The following LIG3 variants were observed in gnomAD, a reference collection of about 807,000 sequenced individuals.
LIG3 encodes the protein DNA ligase 3.
A neutral mutation model predicts 110.9 loss-of-function variants in LIG3; 58 were observed. The observed-to-expected ratio is 0.52, with a 90% CI of 0.42 to 0.65. LIG3 has a LOEUF of 0.65. Among genes scored for constraint, LIG3 ranks in the 30% least tolerant of loss-of-function variants. The probability of loss-of-function intolerance (pLI) is 0.00; values close to 1 mark genes in which losing one functional copy is unlikely to be tolerated. For missense variants in LIG3, 1,094 were observed against 1,273.8 expected (o/e 0.86, Z 2.15); for synonymous variants, 422 against 472.8 (o/e 0.89, Z 1.39).
intron 1 of LIG3, 182 bp downstream of exon 1, chr17:34,980,804 C>T (rs2090578435): frequency 5.4e-6 from 1 of 185,966 alleles, no homozygotes; most frequent in African/African-American, 2.4e-5. Context: ...CAGGGGGAGG[C>T]TCGCGGCTCC....
chr17:34,989,996 G>C (rs2090701115), intron 4 of LIG3: 1 of 288,330 alleles, frequency 3.5e-6, no homozygotes. Flanking sequence ...AGGTTTTTGT[G>C]AACCATATAC....
Position 35,007,760 on chromosome 17 carries a change from C to T in LIG3, c.*3254C>T, listed in dbSNP as rs2090905745. ...CCTTTTTTTTTTTTTTAAACAGACTCTTGCTCTGTCATTCAGGCTGGAGTG... is the reference window on the plus strand; with the variant it reads ...CCTTTTTTTTTTTTTTAAACAGACTTTTGCTCTGTCATTCAGGCTGGAGTG... On this transcript the variant is annotated 3_prime_UTR_variant, in exon 20 of 20. Transcript: ENST00000378526. 1.3e-5 allele frequency: 2 copies of T among 149,302 alleles called. No individual in the cohort carries two copies. The highest frequency in any genetic ancestry group is 5.0e-5 in the African/African-American group (2 of 40,242). The allele number at this position is 149,302 out of a possible 1,614,324, so 9.2% of individuals were successfully genotyped here.
At chr17:35,004,052 T>G (rs2142292742) in intron 19 of LIG3, 1 of 558,742 alleles carries the variant, frequency 1.8e-6, no homozygotes, top group South Asian at 2.1e-5. Flanking sequence ...TCGAGGCCTG[T>G]CCACTCTCCT....
Position 34,991,733 on chromosome 17 carries a change from C to G in LIG3, c.1104C>G (p.Ala368=). 6.2e-7 allele frequency: 1 copy of G among 1,614,056 alleles called. No homozygotes were observed. The highest frequency in any genetic ancestry group is 8.5e-7 in the Non-Finnish European group (1 of 1,179,998). The change falls in exon 6 of 20, where the codon GCC becomes GCG. Residue 368 remains alanine, a synonymous_variant. Transcript: ENST00000378526. The stretch of plus-strand genomic sequence containing the variant: ...AGAGCAAGTCTTTCCCCCCAGCTGC[C>G]AAGAGCCTCCTTACCATCCAGGAAG... The part of the protein sequence containing the change: ...FEQSKSFPPA[A]KSLLTIQEVD...
At chr17:34,980,919 C>T (rs2090581555) in intron 1 of LIG3, 1 of 152,516 alleles carries the variant, frequency 6.6e-6, no homozygotes, top group Non-Finnish European at 1.5e-5. Context: ...CGTGCGTCCT[C>T]CTGCGCTGAA....
Position 35,002,786 on chromosome 17 carries a change from A to G in LIG3, c.2793A>G (p.Thr931=). The G allele has an allele frequency of 6.3e-7, 1 of 1,597,742 alleles. No individual in the cohort carries two copies. The highest frequency in any genetic ancestry group is 8.5e-7 in the Non-Finnish European group (1 of 1,170,272). Residue 931 remains threonine (T), a synonymous_variant, in exon 19 of 20, where the codon ACA becomes ACG. Coordinates refer to ENST00000378526, the MANE Select transcript of LIG3 (RefSeq NM_013975.4). ...CTGCTGATGAGACGCTGTGCCAAAC[A>G]AAGGTGAGGGTAAAAACAGCAACAC... is the stretch of plus-strand genomic sequence containing the variant. ...RKAADETLCQ[T]KVLLDIFTGV...
chr17:34,998,540 G>C, intron 13 of LIG3, 64 bp from the exon 14 acceptor site: 2 of 1,590,682 alleles, frequency 1.3e-6, no homozygotes, highest in Non-Finnish European at 1.7e-6. Flanking sequence ...TAGCAGTGAA[G>C]GGGTGAACCC....
intron 16 of LIG3, 64 bp downstream of exon 16, chr17:34,999,920 A>G (rs1364890424): frequency 7.6e-7 from 1 of 1,310,594 alleles, no homozygotes. Context: ...CTCTAGTGCC[A>G]TAGAGAATCC....
chr17:34,987,623 C>A (rs2090670449), intron 3 of LIG3, among the ~76,000 whole-genome samples: 1 of 152,170 alleles, frequency 6.6e-6, no homozygotes, highest in African/African-American at 2.4e-5. Context: ...GGGTTCTGGT[C>A]CTTGACAGCT....
At position 34,992,556 on chromosome 17, in the gene LIG3, C is replaced by T; in HGVS notation, c.1319C>T (p.Ala440Val). Residue 440 changes from alanine to valine, a missense_variant, in exon 8 of 20, where the codon GCC (alanine) becomes GTC (valine). Transcript: ENST00000378526. ...LDALDPNAYE[A>V]FKASRNLQDV... Reference sequence around the variant, plus strand: ...GCCCTTGACCCCAATGCCTATGAAGCCTTCAAAGCCTCGCGCAACCTGCAG... The same window carrying T: ...GCCCTTGACCCCAATGCCTATGAAGTCTTCAAAGCCTCGCGCAACCTGCAG... 6.2e-7 allele frequency: 1 copy of T among 1,610,712 alleles called. No individual in the cohort carries two copies. Among genetic ancestry groups the T allele is most frequent in the Non-Finnish European group, 8.5e-7 (1 of 1,178,526 alleles).
rs550674797 is a variant in LIG3, at chr17:34,983,094, G to T, written c.89G>T (p.Arg30Leu). The change falls in exon 2 of 20, where the codon CGT (arginine) becomes CTT (leucine). Residue 30 changes from arginine to leucine, a missense_variant. Physicochemically the swap from Arg to Leu is moderately radical, Grantham distance 102 (BLOSUM62 -2). Coordinates refer to ENST00000378526, the MANE Select transcript of LIG3 (RefSeq NM_013975.4). ...ELCLFRKHHW[R>L]DVRQFSQWSE... is the part of the protein sequence containing the mutation. ...TGCCTATTCCGAAAACATCACTGGC[G>T]TGATGTAAGACAATTCAGCCAGTGG... The T allele has an allele frequency of 6.2e-7, 1 of 1,613,948 alleles. No individual in the cohort carries two copies.
At chr17:34,998,774 C>A (rs374307183) in intron 14 of LIG3, 47 bp downstream of exon 14, 2 of 1,585,752 alleles carry the variant, frequency 1.3e-6, no homozygotes, top group Admixed American at 3.5e-5. Context: ...TTAGAAGGTA[C>A]CGCTTGAGGT....
At position 35,003,261 on chromosome 17, in the gene LIG3, C is replaced by A. The variant is rs535474044; in HGVS notation, c.2796+472C>A. On this transcript the variant is annotated intron_variant, in intron 19 of 19. Coordinates refer to ENST00000378526, the MANE Select transcript of LIG3 (RefSeq NM_013975.4). ...CACCTGAGGAGCCTTTTCCCTGTTA[C>A]ATTTTCTTGTCAGTCTTGGGTTTGG... 5 of 1,119,214 alleles carry A rather than the reference C, an allele frequency of 4.5e-6. No homozygotes were observed. The South Asian group carries it at 5.1e-5, about 11-fold the overall frequency. The allele number at this position is 1,119,214 out of a possible 1,614,324, so 69.3% of individuals were successfully genotyped here. A position where few individuals can be genotyped will look rare whatever the true frequency, so the allele number is the denominator to read the frequency against.
chr17:34,995,961 G>C, intron 9 of LIG3, 103 bp from the exon 10 acceptor site: 1 of 1,423,818 alleles, frequency 7.0e-7, no homozygotes, highest in South Asian at 1.4e-5. Context: ...CCTTCCACAT[G>C]TTGTTCTATA....
intron 4 of LIG3, chr17:34,989,949 G>A (rs2090700592): frequency 2.5e-6 from 1 of 395,880 alleles, no homozygotes; most frequent in African/African-American, 2.0e-5. Flanking sequence ...CATCCTATTT[G>A]ACTAGTTAGA....
rs149469889 is a variant in LIG3 at position 34,996,581 on chromosome 17, C to G, written c.1751C>G (p.Ala584Gly). ...FGTLGVHKKA[A>G]FQDANVCLFV... ...CCTCATTTTCCCTTACAGAAAGCAG[C>G]CTTCCAGGATGCTAATGTCTGCCTG... is the stretch of plus-strand genomic sequence containing the variant. The change falls in exon 11 of 20, where the codon GCC (alanine) becomes GGC (glycine). Residue 584 changes from alanine to glycine, a missense_variant. Coordinates refer to ENST00000378526, the MANE Select transcript of LIG3 (RefSeq NM_013975.4). 2 of 1,613,674 alleles carry G rather than the reference C, an allele frequency of 1.2e-6. No individual in the cohort carries two copies. Among genetic ancestry groups the G allele is most frequent in the Non-Finnish European group, 1.7e-6 (2 of 1,179,722 alleles).
chr17:35,010,444 C>G (rs1189440978), downstream of LIG3: 1 of 152,196 alleles, frequency 6.6e-6, no homozygotes, highest in Non-Finnish European at 1.5e-5. Context: ...CATGGTCCTT[C>G]CTAAAGAGCC....
intron 19 of LIG3, chr17:35,003,186 C>T (rs770693878): frequency 6.6e-7 from 1 of 1,504,736 alleles, no homozygotes; most frequent in Non-Finnish European, 8.9e-7. Flanking sequence ...GGAAGCAGGT[C>T]CAGCAAGCAG....
In LIG3 at chr17:35,005,243, T is replaced by C. The variant is rs1334712515; in HGVS notation, c.*737T>C. 1 of 485,382 alleles carries C rather than the reference T, an allele frequency of 2.1e-6. No individual in the cohort carries two copies. The highest frequency in any genetic ancestry group is 1.5e-5 in the South Asian group (1 of 66,932). The allele number at this position is 485,382 out of a possible 1,614,324, so 30.1% of individuals were successfully genotyped here. On this transcript the variant is annotated 3_prime_UTR_variant, in exon 20 of 20. Transcript: ENST00000378526. ...AAAACCTGGAAACAAGACTGTTCTT[T>C]AAGAATAAAAATCCACATGGGGCTT... is the stretch of plus-strand genomic sequence containing the variant.
Sources: allele counts gnomAD v4.1 joint callset (sites outside exome capture counted in the v4.1 genomes callset), GRCh38; gene constraint gnomAD v4.1.1; transcripts MANE v1.5; gene names NCBI Gene and HGNC (gene_info 2026-07-23, HGNC 2026-07-21).